YWHAE: variants seen among roughly 807,000 people sequenced by gnomAD.
The protein encoded by YWHAE is 14-3-3 protein epsilon.
Under a neutral mutation model 30.1 loss-of-function variants are expected in YWHAE, and 4 were observed. The observed-to-expected ratio is 0.13, with a 90% CI of 0.07 to 0.30. The LOEUF (loss-of-function observed/expected upper bound fraction) is 0.30, where lower values mean the gene tolerates loss of function less well. Among genes scored for constraint, YWHAE ranks in the 10% least tolerant of loss-of-function variants. YWHAE has a pLI of 1.00. For missense variants in YWHAE, 121 were observed against 315.9 expected (o/e 0.38, Z 4.68); for synonymous variants, 118 against 111.8 (o/e 1.06, Z -0.35).
At chr17:1,361,830 C>A in intron 3 of YWHAE, 72 bp downstream of exon 3, 2 of 973,728 alleles carry the variant, frequency 2.1e-6, no homozygotes, top group East Asian at 2.7e-5. Flanking sequence ...TGAAAACCTA[C>A]ATAGAACAAA....
intron 2 of YWHAE, 112 bp downstream of exon 2, chr17:1,364,747 T>A: frequency 1.6e-6 from 2 of 1,251,986 alleles, no homozygotes; most frequent in East Asian, 2.3e-5. Context: ...TATAACATAC[T>A]GTAATACAAG....
rs980149721 is a variant in YWHAE at position 1,356,420 on chromosome 17, G to A, written c.579-2073C>T. On this transcript the variant is annotated intron_variant, in intron 4 of 5. Coordinates refer to ENST00000264335, the MANE Select transcript of YWHAE (RefSeq NM_006761.5). ...AATAAAGTATTTCAGGGACCCAGAA[G>A]GAGGAGCAATTAAAGGGAAAGTCAA... Among the ~76,000 whole-genome samples, 4 of 152,190 alleles carry A rather than the reference G, an allele frequency of 2.6e-5. No homozygotes were observed. In the South Asian group the frequency reaches 8.3e-4, roughly 32 times the overall value.
At chr17:1,396,406 A>G (rs1273483686) in intron 1 of YWHAE, among the ~76,000 whole-genome samples, 1 of 152,176 alleles carries the variant, frequency 6.6e-6, no homozygotes, top group African/African-American at 2.4e-5. Context: ...CCTGGGAGAC[A>G]GAGCGAGACT....
chr17:1,400,028 C>CA lies in YWHAE; in HGVS notation c.64+18_64+19insT. The CA allele has an allele frequency of 6.2e-7, 1 of 1,608,156 alleles. No homozygotes were observed. ...AGAGGGTCCGAGAATTCCAGCCCCC[C>CA]GTTGCCCCCCCAACTCACCGTCGTA... is the stretch of plus-strand genomic sequence containing the variant. On this transcript the variant is annotated intron_variant, in intron 1 of 5. Transcript: ENST00000264335.
chr17:1,390,220 A>G (rs2073369368), intron 1 of YWHAE, among the ~76,000 whole-genome samples: 1 of 152,238 alleles, frequency 6.6e-6, no homozygotes, highest in African/African-American at 2.4e-5. Flanking sequence ...AAAGTCTCTT[A>G]TTAATCTAAA....
chr17:1,399,957 G>A (rs375587720), intron 1 of YWHAE, 90 bp downstream of exon 1: 25 of 1,528,112 alleles, frequency 1.6e-5, no homozygotes, highest in African/African-American at 6.8e-5. Flanking sequence ...GCTCGCAGAC[G>A]ATGCCGCCAT....
intron 1 of YWHAE, among the ~76,000 whole-genome samples, chr17:1,394,452 A>C (rs911082855): frequency 6.7e-6 from 1 of 150,172 alleles, no homozygotes; most frequent in Admixed American, 6.6e-5. Context: ...AAAAAAAAAA[A>C]AAAAAAAAAC....
chr17:1,374,005 G>T (rs1404622031), intron 1 of YWHAE, among the ~76,000 whole-genome samples: 2 of 152,020 alleles, frequency 1.3e-5, no homozygotes, highest in Non-Finnish European at 2.9e-5. Flanking sequence ...CTACTGTATG[G>T]ATATACTATG....
intron 1 of YWHAE, among the ~76,000 whole-genome samples, chr17:1,370,459 G>A (rs1442576808): frequency 1.3e-5 from 2 of 150,782 alleles, no homozygotes; most frequent in Non-Finnish European, 2.9e-5. Flanking sequence ...TTGTTTTTGA[G>A]ACAGTGTCTT....
chr17:1,350,755 AAATAAT>A (rs995842994), intron 5 of YWHAE, among the ~76,000 whole-genome samples: 1 of 148,944 alleles, frequency 6.7e-6, no homozygotes, highest in Non-Finnish European at 1.5e-5. Context: ...GTTTTTATTA[AAATAAT>A]AATAATAAAA....
intron 5 of YWHAE, among the ~76,000 whole-genome samples, chr17:1,350,427 CAA>C (rs1423069472): frequency 1.3e-5 from 2 of 151,890 alleles, no homozygotes; most frequent in African/African-American, 4.8e-5. Context: ...GAGTTGGTAT[CAA>C]ATGTGTTTTC....
intron 4 of YWHAE, among the ~76,000 whole-genome samples, chr17:1,357,938 AAAAAAG>A (rs1452647489): frequency 6.6e-6 from 1 of 152,062 alleles, no homozygotes; most frequent in East Asian, 1.9e-4. Flanking sequence ...GGGGGAAAAA[AAAAAAG>A]AAAAAGACAA....
intron 1 of YWHAE, among the ~76,000 whole-genome samples, chr17:1,366,928 T>A (rs1171949092): frequency 6.6e-6 from 1 of 151,676 alleles, no homozygotes; most frequent in African/African-American, 2.4e-5. Context: ...GGTGACAGAG[T>A]GAGACTCCGT....
In YWHAE at chr17:1,355,869, T is replaced by A. The variant is rs951816208; in HGVS notation, c.579-1522A>T. On this transcript the variant is annotated intron_variant, in intron 4 of 5. Coordinates refer to ENST00000264335, the MANE Select transcript of YWHAE (RefSeq NM_006761.5). ...GCCGGGCCACCATGGCAAAACCTAT[T>A]AAAAACACAAAAAATTAGGCCGGGT... is the stretch of plus-strand genomic sequence containing the variant. Among the ~76,000 whole-genome samples the A allele has an allele frequency of 4.6e-5, 7 of 151,746 alleles. No individual in the cohort carries two copies. The East Asian group carries it at 7.7e-4, about 17-fold the overall frequency.
chr17:1,375,832 G>C (rs1448141051), intron 1 of YWHAE, among the ~76,000 whole-genome samples: 1 of 152,108 alleles, frequency 6.6e-6, no homozygotes, highest in Non-Finnish European at 1.5e-5. Context: ...TTTGGTTTGT[G>C]GTTGTGTTCT....
At chr17:1,389,988 C>T (rs893728356) in intron 1 of YWHAE, among the ~76,000 whole-genome samples, 3 of 152,110 alleles carry the variant, frequency 2.0e-5, no homozygotes, top group Non-Finnish European at 2.9e-5. Context: ...GGATTACAAG[C>T]GCCTGCCACC....
chr17:1,374,583 C>T (rs2073096041), intron 1 of YWHAE, among the ~76,000 whole-genome samples: 1 of 152,134 alleles, frequency 6.6e-6, no homozygotes, highest in Admixed American at 6.6e-5. Context: ...TGGCCACGTC[C>T]TCAGGAACAC....
At chr17:1,382,337 C>G (rs1195227810) in intron 1 of YWHAE, among the ~76,000 whole-genome samples, 11 of 144,316 alleles carry the variant, frequency 7.6e-5, no homozygotes, top group African/African-American at 2.6e-4. Context: ...CTTGAGCCAC[C>G]GCGCCCGGCC....
At chr17:1,345,601 G>A in intron 5 of YWHAE, 102 bp from the exon 6 acceptor site, 2 of 1,244,102 alleles carry the variant, frequency 1.6e-6, no homozygotes, top group Non-Finnish European at 2.3e-6. Context: ...TCTTCTACTT[G>A]CTACAATTGG....
Sources: gnomAD v4.1 joint callset for allele counts (sites outside exome capture counted in the v4.1 genomes callset) on GRCh38, gnomAD v4.1.1 for gene constraint, MANE v1.5 for transcripts, NCBI Gene and HGNC (gene_info 2026-07-23, HGNC 2026-07-21) for gene names.